Variants in RMDN1 observed in about 807,000 individuals in gnomAD.
RMDN1 encodes the protein regulator of microtubule dynamics protein 1.
RMDN1 carries 48 observed loss-of-function variants against 48.9 expected under a neutral mutation model. The observed-to-expected ratio is 0.98, with a 90% CI of 0.78 to 1.25. RMDN1 has a LOEUF of 1.25. Among genes scored for constraint, RMDN1 ranks in the 50% most tolerant of loss-of-function variants. The pLI, the probability that RMDN1 is intolerant of heterozygous loss-of-function variation, is 0.00. For missense variants in RMDN1, 418 were observed against 373.4 expected (o/e 1.12, Z -0.98); for synonymous variants, 148 against 132.6 (o/e 1.12, Z -0.80).
intron 2 of RMDN1, 57 bp from the exon 3 acceptor site, chr8:86,488,696 G>A (rs1815929573): frequency 3.4e-6 from 4 of 1,184,078 alleles, no homozygotes; most frequent in African/African-American, 1.5e-5. Context: ...CAAGTCAGAT[G>A]ACAATAATTC....
At chr8:86,476,008 A>G (rs1335307803) in intron 8 of RMDN1, among the ~76,000 whole-genome samples, 1 of 152,160 alleles carries the variant, frequency 6.6e-6, no homozygotes, top group Non-Finnish European at 1.5e-5. Flanking sequence ...GTATTGAGTG[A>G]TAAGTATCAC....
upstream of RMDN1, among the ~76,000 whole-genome samples, chr8:86,509,077 T>G (rs895197096): frequency 6.6e-6 from 1 of 152,156 alleles, no homozygotes; most frequent in Non-Finnish European, 1.5e-5. Flanking sequence ...GGGTCTTTTT[T>G]GGAAGTAAAT....
At chr8:86,474,619 C>G in intron 9 of RMDN1, 2 of 727,418 alleles carry the variant, frequency 2.7e-6, no homozygotes, top group Non-Finnish European at 4.9e-6. Context: ...TAGCAGGCAA[C>G]CCGTAACATC....
Position 86,500,338 on chromosome 8 carries a change from A to C in RMDN1, c.247+6657T>G, listed in dbSNP as rs75149033. Among the ~76,000 whole-genome samples, 12 of 152,234 alleles carry C rather than the reference A, an allele frequency of 7.9e-5. No individual in the cohort carries two copies. The East Asian group carries it at 1.7e-3, about 22-fold the overall frequency. On this transcript the variant is annotated intron_variant, in intron 2 of 9. Coordinates refer to ENST00000406452, the MANE Select transcript of RMDN1 (RefSeq NM_016033.3). ...GGGAACTTAAAACAATTGAACAAGC[A>C]AAAAACAATCCCACTAAAAAATGGG... is the stretch of plus-strand genomic sequence containing the variant.
At position 86,472,647 on chromosome 8, in the gene RMDN1, G is replaced by T; in HGVS notation, c.*1661C>A. 1 of 575,656 alleles carries T rather than the reference G, an allele frequency of 1.7e-6. No homozygotes were observed. The highest frequency in any genetic ancestry group is 2.3e-5 in the South Asian group (1 of 42,926). The allele number at this position is 575,656 out of a possible 1,614,324, so 35.7% of individuals were successfully genotyped here. A position where few individuals can be genotyped will look rare whatever the true frequency, so the allele number is the denominator to read the frequency against. On this transcript the variant is annotated 3_prime_UTR_variant, in exon 10 of 10. Transcript: ENST00000406452. ...CACATTATTTTTTCACTGTATCAGTGGTGTGTCATATTTTTTTTTTTGCCA... is the reference window on the plus strand; with the variant it reads ...CACATTATTTTTTCACTGTATCAGTTGTGTGTCATATTTTTTTTTTTGCCA...
At chr8:86,481,791 T>C (rs1814504958) in intron 5 of RMDN1, 7 of 1,088,658 alleles carry the variant, frequency 6.4e-6, no homozygotes, top group African/African-American at 1.6e-5. Context: ...CCACAAGCCA[T>C]CTTCATTTTT....
chr8:86,495,758 C>T (rs919406345), intron 2 of RMDN1, among the ~76,000 whole-genome samples: 2 of 152,204 alleles, frequency 1.3e-5, no homozygotes, highest in East Asian at 1.9e-4. Flanking sequence ...CCCACTGCCT[C>T]GCCAGCATGC....
downstream of RMDN1, chr8:86,468,734 T>A (rs370879519): frequency 2.2e-6 from 1 of 456,002 alleles, no homozygotes; most frequent in Non-Finnish European, 4.4e-6. Flanking sequence ...CAGCTTTGTT[T>A]TGGAGAATTC....
At chr8:86,483,179 ATC>A (rs1315971065) in intron 5 of RMDN1, among the ~76,000 whole-genome samples, 1 of 152,212 alleles carries the variant, frequency 6.6e-6, no homozygotes. Flanking sequence ...AGTATAAATG[ATC>A]TTTTTTATAT....
chr8:86,469,500 A>G (rs1812374872), downstream of RMDN1, among the ~76,000 whole-genome samples: 1 of 152,152 alleles, frequency 6.6e-6, no homozygotes. Flanking sequence ...ACCATTTCAT[A>G]GATTGCTGTT....
upstream of RMDN1, chr8:86,508,919 G>T (rs1429698402): frequency 5.1e-6 from 3 of 589,498 alleles, no homozygotes; most frequent in East Asian, 1.7e-4. Context: ...TCTCTCTAGG[G>T]GGTCTTTCAT....
Position 86,508,572 on chromosome 8 carries a change from C to T in RMDN1, c.49G>A (p.Ala17Thr), listed in dbSNP as rs762258354. 27 of 1,602,792 alleles carry T rather than the reference C, an allele frequency of 1.7e-5. No homozygotes were observed. In the East Asian group the frequency reaches 5.8e-4, roughly 35 times the overall value. Residue 17 changes from alanine (A) to threonine (T), a missense_variant, in exon 1 of 10, where the codon GCC becomes ACC. By Grantham distance (58) the Ala-to-Thr change is moderately conservative. Coordinates refer to ENST00000406452, the MANE Select transcript of RMDN1 (RefSeq NM_016033.3). ...LWRLLPFRRG[A>T]APGSRLPAGT... ...GCAGGGAGACGAGACCCCGGGGCGG[C>T]TCCACGTCGGAAAGGCAGAAGGCGC...
chr8:86,473,459 G>A lies in RMDN1; in HGVS notation c.*849C>T. On this transcript the variant is annotated 3_prime_UTR_variant, in exon 10 of 10. Coordinates refer to ENST00000406452, the MANE Select transcript of RMDN1 (RefSeq NM_016033.3). ...TGATGACAAATTCAGTTTACCATGA[G>A]ACTACACCACATTTAAAGTAAACTG... is the stretch of plus-strand genomic sequence containing the variant. 1.0e-6 allele frequency: 1 copy of A among 985,238 alleles called. No homozygotes were observed. The highest frequency in any genetic ancestry group is 5.2e-4 in the Middle Eastern group (1 of 1,914). The allele number at this position is 985,238 out of a possible 1,614,324, so 61.0% of individuals were successfully genotyped here.
chr8:86,508,827 C>T (rs1362634799), upstream of RMDN1: 3 of 1,276,724 alleles, frequency 2.3e-6, no homozygotes, highest in Non-Finnish European at 3.0e-6. Flanking sequence ...TTGGGTGGGA[C>T]TTAATGGACT....
At chr8:86,487,671 A>T (rs542473113) in intron 3 of RMDN1, among the ~76,000 whole-genome samples, 1 of 150,994 alleles carries the variant, frequency 6.6e-6, no homozygotes, top group Non-Finnish European at 1.5e-5. Context: ...TTTTTAACAT[A>T]AAAAAAAATT....
intron 2 of RMDN1, chr8:86,505,431 T>C (rs1187932127): frequency 8.8e-6 from 4 of 452,454 alleles, no homozygotes; most frequent in Non-Finnish European, 1.3e-5. Flanking sequence ...AACCTCAGAC[T>C]TATCAGGAAG....
At chr8:86,503,877 G>T (rs1818826426) in intron 2 of RMDN1, 1 of 654,250 alleles carries the variant, frequency 1.5e-6, no homozygotes, top group Non-Finnish European at 2.9e-6. Flanking sequence ...TCAACCTGTT[G>T]GCTGTCTCTG....
In RMDN1 at chr8:86,508,646, G is replaced by T. The variant is rs1164212810; in HGVS notation, c.-26C>A. ...GACCTGCAACTTGCGGGCTGACCCT[G>T]CACTACTTCAGGCAGCTACGGAGGC... On this transcript the variant is annotated 5_prime_UTR_variant, in exon 1 of 10. Coordinates refer to ENST00000406452, the MANE Select transcript of RMDN1 (RefSeq NM_016033.3). The T allele has an allele frequency of 6.3e-7, 1 of 1,583,074 alleles. No individual in the cohort carries two copies. Among genetic ancestry groups the T allele is most frequent in the Non-Finnish European group, 8.6e-7 (1 of 1,164,446 alleles).
At chr8:86,499,837 T>C (rs183612760) in intron 2 of RMDN1, among the ~76,000 whole-genome samples, 6 of 152,218 alleles carry the variant, frequency 3.9e-5, no homozygotes, top group Non-Finnish European at 7.4e-5. Context: ...GTACAAAAAC[T>C]GACACATAGG....
Sources: gnomAD v4.1 joint callset for allele counts (sites outside exome capture counted in the v4.1 genomes callset) on GRCh38, gnomAD v4.1.1 for gene constraint, MANE v1.5 for transcripts, NCBI Gene and HGNC (gene_info 2026-07-23, HGNC 2026-07-21) for gene names.